The following RAB33B variants were observed in gnomAD, a reference collection of about 807,000 sequenced individuals.
The protein encoded by RAB33B is ras-related protein Rab-33B.
In RAB33B, 6 loss-of-function variants were observed where a neutral mutation model predicts 15.0. The ratio of observed to expected loss-of-function variants is 0.40; its 90% CI spans 0.22 to 0.79. RAB33B has a LOEUF of 0.79. RAB33B is among the 30% of genes least tolerant of loss of function. The pLI, the probability that RAB33B is intolerant of heterozygous loss-of-function variation, is 0.37. For synonymous variants in RAB33B, 117 were observed against 108.3 expected, an observed-to-expected ratio of 1.08 and a Z score of -0.50; for missense variants, 257 against 296.4, an observed-to-expected ratio of 0.87 and a Z score of 0.98.
At chr4:139,466,263 ATGTT>A (rs1473485328) in intron 1 of RAB33B, among the ~76,000 whole-genome samples, 1 of 152,196 alleles carries the variant, frequency 6.6e-6, no homozygotes, top group Non-Finnish European at 1.5e-5. Context: ...AATGACATGC[ATGTT>A]TGTTAAGGAA....
the RAB33B span, among the ~76,000 whole-genome samples, chr4:139,444,178 T>C: frequency 1.3e-5 from 2 of 152,210 alleles, no homozygotes; most frequent in South Asian, 4.1e-4. Flanking sequence ...GCCCACTAAG[T>C]GGGGATTCTG....
At chr4:139,454,956 A>G (rs1233296778) in intron 1 of RAB33B, among the ~76,000 whole-genome samples, 1 of 152,242 alleles carries the variant, frequency 6.6e-6, no homozygotes, top group Non-Finnish European at 1.5e-5. Flanking sequence ...TCTTGCATAC[A>G]GTTTTGCTGT....
chr4:139,459,617 T>G (rs1159497105), intron 1 of RAB33B, among the ~76,000 whole-genome samples: 1 of 143,280 alleles, frequency 7.0e-6, no homozygotes, highest in Non-Finnish European at 1.6e-5. Context: ...CTTCTTTCAG[T>G]GTCTAGTTCA....
At chr4:139,449,511 GCGGGCACCATCT>G (rs1407750491), upstream of RAB33B, 1 of 152,070 alleles carries the variant, frequency 6.6e-6, no homozygotes, top group Non-Finnish European at 1.5e-5. Flanking sequence ...CTTAATCTGG[GCGGGCACCATCT>G]AATCAGCTGC....
At chr4:139,441,556 A>G in the RAB33B span, among the ~76,000 whole-genome samples, 1 of 152,202 alleles carries the variant, frequency 6.6e-6, no homozygotes, top group Non-Finnish European at 1.5e-5. Context: ...TAAATTCTAC[A>G]GTTCTAAAAT....
chr4:139,470,371 A>G (rs1750366377), intron 1 of RAB33B, among the ~76,000 whole-genome samples: 2 of 152,172 alleles, frequency 1.3e-5, no homozygotes, highest in African/African-American at 4.8e-5. Flanking sequence ...ACTACCACCA[A>G]TGTTCCTTTA....
At chr4:139,465,638 A>G (rs2111080097) in intron 1 of RAB33B, among the ~76,000 whole-genome samples, 1 of 152,292 alleles carries the variant, frequency 6.6e-6, no homozygotes, top group South Asian at 2.1e-4. Context: ...ACCATTTATT[A>G]AATAGGGAAT....
the RAB33B span, among the ~76,000 whole-genome samples, chr4:139,447,699 C>G: frequency 7.6e-6 from 1 of 131,026 alleles, no homozygotes; most frequent in Non-Finnish European, 1.6e-5. Flanking sequence ...CAGAGTCTCG[C>G]TCTGTCGCCC....
chr4:139,440,474 T>G, the RAB33B span, among the ~76,000 whole-genome samples: 1 of 152,192 alleles, frequency 6.6e-6, no homozygotes, highest in East Asian at 1.9e-4. Context: ...TCTAACGTTT[T>G]GAGGACAATG....
the RAB33B span, among the ~76,000 whole-genome samples, chr4:139,445,126 T>G: frequency 6.6e-6 from 1 of 152,394 alleles, no homozygotes; most frequent in African/African-American, 2.4e-5. Flanking sequence ...GCGGTTTCAC[T>G]GCTTGAGCAA....
chr4:139,468,885 C>G (rs904268680), intron 1 of RAB33B, among the ~76,000 whole-genome samples: 1 of 152,228 alleles, frequency 6.6e-6, no homozygotes, highest in Admixed American at 6.5e-5. Flanking sequence ...TCATGCCACT[C>G]TCTCCTGGCC....
upstream of RAB33B, chr4:139,454,026 G>A (rs1006909234): frequency 2.7e-6 from 2 of 733,444 alleles, no homozygotes; most frequent in South Asian, 2.0e-5. Context: ...ACCTGTGCGG[G>A]CAAGGGCGGG....
Position 139,454,299 on chromosome 4 carries a change from A to C in RAB33B, c.104A>C (p.Lys35Thr). ...CCTCCTGCCCGCTCCCGCATCTTCA[A>C]GATAATCGTGATCGGCGACTCCAAT... ...FLPPARSRIF[K>T]IIVIGDSNVG... The change falls in exon 1 of 2, where the codon AAG (lysine) becomes ACG (threonine). Residue 35 changes from lysine to threonine, a missense_variant. Physicochemically the swap from Lys to Thr is moderately conservative, Grantham distance 78 (BLOSUM62 -1). Coordinates refer to ENST00000305626, the MANE Select transcript of RAB33B (RefSeq NM_031296.3). 6.2e-7 allele frequency: 1 copy of C among 1,614,150 alleles called. No homozygotes were observed. Among genetic ancestry groups the C allele is most frequent in the Non-Finnish European group, 8.5e-7 (1 of 1,180,014 alleles).
chr4:139,443,671 T>C, the RAB33B span, among the ~76,000 whole-genome samples: 3 of 152,164 alleles, frequency 2.0e-5, no homozygotes, highest in Admixed American at 6.5e-5. Context: ...AGTGAGGGCA[T>C]TGATTGGAAA....
chr4:139,451,363 C>CTTTTTTTTTTTTTTTTTTTTT (rs901731114), upstream of RAB33B: 2 of 108,632 alleles, frequency 1.8e-5, no homozygotes, highest in Non-Finnish European at 1.9e-5. Context: ...ACCACACCCA[C>CTTTTTTTTTTTTTTTTTTTTT]TTTTTTTTTT....
rs1457017685 is a variant in RAB33B, at chr4:139,473,520, A to C, written c.*394A>C. ...TGGGAAGTGTTCTTAATAGGATAAA[A>C]ACTGGTATTTGCCTCTCCCCAGAGT... is the stretch of plus-strand genomic sequence containing the variant. On this transcript the variant is annotated 3_prime_UTR_variant, in exon 2 of 2. Transcript: ENST00000305626. The C allele has an allele frequency of 1.2e-5, 2 of 167,090 alleles. No individual in the cohort carries two copies. The highest frequency in any genetic ancestry group is 2.6e-5 in the Non-Finnish European group (2 of 76,828). The allele number at this position is 167,090 out of a possible 1,614,324, so 10.4% of individuals were successfully genotyped here.
chr4:139,464,047 A>G (rs1242816782), intron 1 of RAB33B, among the ~76,000 whole-genome samples: 1 of 152,172 alleles, frequency 6.6e-6, no homozygotes, highest in African/African-American at 2.4e-5. Context: ...CCAAGGTGGG[A>G]GGATCACTTG....
the RAB33B span, among the ~76,000 whole-genome samples, chr4:139,447,392 C>T: frequency 6.6e-6 from 1 of 152,120 alleles, no homozygotes; most frequent in Non-Finnish European, 1.5e-5. Flanking sequence ...GAAGTGGCAC[C>T]ACTCATCATC....
intron 1 of RAB33B, among the ~76,000 whole-genome samples, chr4:139,469,826 C>T (rs958646959): frequency 6.6e-5 from 10 of 152,184 alleles, no homozygotes; most frequent in African/African-American, 2.2e-4. Context: ...TGCTTCCTTC[C>T]CTTACTTTCT....
Sources: gnomAD v4.1 joint callset for allele counts (sites outside exome capture counted in the v4.1 genomes callset) on GRCh38, gnomAD v4.1.1 for gene constraint, MANE v1.5 for transcripts, NCBI Gene and HGNC (gene_info 2026-07-23, HGNC 2026-07-21) for gene names.